Variants in KNTC1 observed in about 807,000 individuals in gnomAD.
KNTC1 encodes kinetochore-associated protein 1.
In KNTC1, 253 loss-of-function variants were observed where a neutral mutation model predicts 314.4. That is an observed-to-expected ratio of 0.80 (90% confidence interval 0.73 to 0.89). The LOEUF is 0.89. KNTC1 is among the 40% of genes least tolerant of loss of function. KNTC1 has a pLI of 0.00. For synonymous variants in KNTC1, 901 were observed against 901.4 expected (o/e 1.00, Z 0.01); for missense variants, 2,475 against 2,572.9 (o/e 0.96, Z 0.82).
At chr12:122,540,344 T>C (rs1962207524) in intron 5 of KNTC1, among the ~76,000 whole-genome samples, 1 of 150,938 alleles carries the variant, frequency 6.6e-6, no homozygotes, top group Non-Finnish European at 1.5e-5. Context: ...GGCTAATTTT[T>C]TGTTTTTAGT....
chr12:122,617,149 A>C (rs982594112), intron 57 of KNTC1, among the ~76,000 whole-genome samples: 1 of 152,204 alleles, frequency 6.6e-6, no homozygotes, highest in Non-Finnish European at 1.5e-5. Flanking sequence ...ATTTTTGGTC[A>C]TTATAAATAA....
intron 51 of KNTC1, among the ~76,000 whole-genome samples, chr12:122,608,959 T>C (rs963100084): frequency 6.6e-6 from 1 of 152,216 alleles, no homozygotes; most frequent in South Asian, 2.1e-4. Context: ...CTTAGGAGGC[T>C]GAGGCAAGAG....
chr12:122,595,331 C>T lies in KNTC1; in HGVS notation c.4355+946C>T, dbSNP rs1343549229. On this transcript the variant is annotated intron_variant, in intron 43 of 63. Coordinates refer to ENST00000333479, the MANE Select transcript of KNTC1 (RefSeq NM_014708.6). ...TTCAGAATGCTTTCAGATCTGTCAC[C>T]TCATTTAATTTTTATAGTTCTTATT... is the stretch of plus-strand genomic sequence containing the variant. 9.9e-5 allele frequency among the ~76,000 whole-genome samples: 15 copies of T among 152,182 alleles called. 1 individual carries two copies. The highest frequency in any genetic ancestry group is 9.2e-4 in the Admixed American group (14 of 15,260).
Position 122,601,551 on chromosome 12 carries a change from T to C in KNTC1, c.4579T>C (p.Tyr1527His). ...GILHKLDPYD[Y>H]EMIEVVLKVI... ...TTTTATACAGTTGGATCCTTATGAC[T>C]ATGAAATGATTGAAGTTGTCTTGAA... The change falls in exon 45 of 64, where the codon TAT (tyrosine) becomes CAT (histidine). Residue 1527 changes from tyrosine to histidine, a missense_variant. Coordinates refer to ENST00000333479, the MANE Select transcript of KNTC1 (RefSeq NM_014708.6). 3 of 1,534,702 alleles carry C rather than the reference T, an allele frequency of 2.0e-6. No homozygotes were observed. Among genetic ancestry groups the C allele is most frequent in the Non-Finnish European group, 2.6e-6 (3 of 1,141,684 alleles).
At position 122,574,389 on chromosome 12, in the gene KNTC1, A is replaced by G. The variant is rs1402392864; in HGVS notation, c.2382+9A>G. The G allele has an allele frequency of 2.7e-6, 4 of 1,493,942 alleles. No individual in the cohort carries two copies. The highest frequency in any genetic ancestry group is 3.7e-6 in the Non-Finnish European group (4 of 1,085,528). 92.5% of individuals were successfully genotyped at this position (1,493,942 alleles called of 1,614,324 possible). The stretch of plus-strand genomic sequence containing the variant: ...GTTTATCTGACACGGACGTAAGTAA[A>G]TAGTGACCATTTGCGTTTCCCTTTT... On this transcript the variant is annotated intron_variant, in intron 27 of 63. Coordinates refer to ENST00000333479, the MANE Select transcript of KNTC1 (RefSeq NM_014708.6).
At position 122,597,684 on chromosome 12, in the gene KNTC1, A is replaced by G. The variant is rs772333150; in HGVS notation, c.4356-47A>G. 5.1e-5 allele frequency: 77 copies of G among 1,495,498 alleles called. No individual in the cohort carries two copies. The Middle Eastern group carries it at 9.8e-4, about 19-fold the overall frequency. 92.6% of individuals were successfully genotyped at this position (1,495,498 alleles called of 1,614,324 possible). On this transcript the variant is annotated intron_variant, in intron 43 of 63. Coordinates refer to ENST00000333479, the MANE Select transcript of KNTC1 (RefSeq NM_014708.6). ...TGTTTTGTCAGATACTTTGCATGGA[A>G]ATGCCTGCAGTTTGGGAGACTGGTG...
In KNTC1 at chr12:122,543,613, A is replaced by G. The variant is rs1962519628; in HGVS notation, c.537A>G (p.Val179=). ...LLKIQQAIEN[V]DFSTAKKLQG... ...TTTTTAATGCAGCAATTGAGAATGTAGACTTCAGTACAGCAAAAAAGGTAA... is the reference window on the plus strand; with the variant it reads ...TTTTTAATGCAGCAATTGAGAATGTGGACTTCAGTACAGCAAAAAAGGTAA... Residue 179 remains valine (V), a synonymous_variant, in exon 7 of 64, where the codon GTA becomes GTG. Coordinates refer to ENST00000333479, the MANE Select transcript of KNTC1 (RefSeq NM_014708.6). The G allele has an allele frequency of 6.4e-7, 1 of 1,563,568 alleles. No homozygotes were observed. The highest frequency in any genetic ancestry group is 8.7e-7 in the Non-Finnish European group (1 of 1,151,714).
rs1384455918 is a variant in KNTC1, at chr12:122,622,498, A to T, written c.6406A>T (p.Lys2136Ter). The change falls in exon 62 of 64, where the codon AAG (lysine) becomes TAG (stop). Residue 2136 changes from lysine (K) to a stop codon, truncating the protein, a stop_gained. Coordinates refer to ENST00000333479, the MANE Select transcript of KNTC1 (RefSeq NM_014708.6). LOFTEE classifies it high-confidence loss of function. ...SLILNNIINK[K>*]EFGILAKTKY... ...GATTTTGAATAATATCATCAATAAGAAGGAGTTTGGGATTTTGGCAAAGAC... is the reference window on the plus strand; with the variant it reads ...GATTTTGAATAATATCATCAATAAGTAGGAGTTTGGGATTTTGGCAAAGAC... 6.3e-7 allele frequency: 1 copy of T among 1,583,114 alleles called. No homozygotes were observed. Among genetic ancestry groups the T allele is most frequent in the South Asian group, 1.2e-5 (1 of 86,726 alleles).
chr12:122,568,472 A>T, intron 21 of KNTC1, 100 bp downstream of exon 21: 1 of 759,490 alleles, frequency 1.3e-6, no homozygotes, highest in East Asian at 2.5e-5. Flanking sequence ...TGACTGGGTG[A>T]TGGGATGTTT....
intron 62 of KNTC1, among the ~76,000 whole-genome samples, chr12:122,623,717 C>T (rs145633348): frequency 2.0e-5 from 3 of 152,208 alleles, no homozygotes; most frequent in Non-Finnish European, 4.4e-5. Context: ...TACCCAAATT[C>T]ATCAGAGTCG....
At chr12:122,625,810 TGG>T (rs1457690634) in intron 63 of KNTC1, among the ~76,000 whole-genome samples, 5 of 152,200 alleles carry the variant, frequency 3.3e-5, no homozygotes, top group African/African-American at 9.6e-5. Flanking sequence ...GATCATATTT[TGG>T]TAGCTTTATT....
Position 122,618,382 on chromosome 12 carries a change from A to T in KNTC1, c.6070A>T (p.Ile2024Leu). ...CAAAGCGTGGCAGCGTGTGATACAG[A>T]TACCACTGCTTTCAGGTATTTCGCT... Reference protein sequence around the residue: ...FSKAWQRVIQIPLLSASCPLS... With the variant: ...FSKAWQRVIQLPLLSASCPLS... The change falls in exon 58 of 64, where the codon ATA becomes TTA. Residue 2024 changes from isoleucine (I) to leucine (L), a missense_variant. Transcript: ENST00000333479. 1 of 1,613,786 alleles carries T rather than the reference A, an allele frequency of 6.2e-7. No individual in the cohort carries two copies. Among genetic ancestry groups the T allele is most frequent in the Middle Eastern group, 1.6e-4 (1 of 6,062 alleles).
chr12:122,614,498 C>CT (rs543912556), intron 55 of KNTC1, among the ~76,000 whole-genome samples: 47 of 152,226 alleles, frequency 3.1e-4, no homozygotes, highest in African/African-American at 1.1e-3. Context: ...GAGGTGGTGT[C>CT]TGAGTCCATG....
At chr12:122,535,536 G>A (rs1438183566) in intron 3 of KNTC1, among the ~76,000 whole-genome samples, 2 of 152,014 alleles carry the variant, frequency 1.3e-5, no homozygotes, top group African/African-American at 2.4e-5. Flanking sequence ...CCAGCTACTC[G>A]GGAGGCTGAG....
rs143530939 is a variant in KNTC1, at chr12:122,574,438, C to G, written c.2382+58C>G. The stretch of plus-strand genomic sequence containing the variant: ...TTGAGCATTAAATCTTTTCTGAAAG[C>G]TTTTTTCTGTTCATAAAAGCGACAT... On this transcript the variant is annotated intron_variant, in intron 27 of 63. Transcript: ENST00000333479. The G allele has an allele frequency of 1.8e-3, 1,946 of 1,052,738 alleles. 32 individuals carry two copies. In the African/African-American group the frequency reaches 0.028, roughly 15 times the overall value. 65.2% of individuals were successfully genotyped at this position (1,052,738 alleles called of 1,614,324 possible). A position where few individuals can be genotyped will look rare whatever the true frequency, so the allele number is the denominator to read the frequency against.
At chr12:122,596,627 G>T (rs1210668259) in intron 43 of KNTC1, among the ~76,000 whole-genome samples, 1 of 152,036 alleles carries the variant, frequency 6.6e-6, no homozygotes, top group Non-Finnish European at 1.5e-5. Flanking sequence ...GATCGCTTGA[G>T]GCCAGGAGTT....
chr12:122,580,113 G>A (rs1449606194), intron 32 of KNTC1, 136 bp downstream of exon 32: 5 of 622,928 alleles, frequency 8.0e-6, no homozygotes, highest in Non-Finnish European at 1.4e-5. Flanking sequence ...TACCCATTTT[G>A]CTTCATGAAA....
chr12:122,590,743 C>A lies in KNTC1; in HGVS notation c.4128+8C>A. 2 of 1,608,864 alleles carry A rather than the reference C, an allele frequency of 1.2e-6. No individual in the cohort carries two copies. The highest frequency in any genetic ancestry group is 2.2e-5 in the East Asian group (1 of 44,722). On this transcript the variant is annotated splice_region_variant and intron_variant, in intron 41 of 63. Transcript: ENST00000333479. ...AATTACGACAAAATCTTGGTATGTC[C>A]TAAGGAAGCACACCTTCAATTCTTG...
At chr12:122,622,660 CT>C in intron 62 of KNTC1, 53 bp downstream of exon 62, 1 of 1,411,796 alleles carries the variant, frequency 7.1e-7, no homozygotes, top group Non-Finnish European at 9.5e-7. Context: ...TAAAATCTAT[CT>C]TTATAAGCTG....
Sources: gnomAD v4.1 joint callset for allele counts (sites outside exome capture counted in the v4.1 genomes callset) on GRCh38, gnomAD v4.1.1 for gene constraint, MANE v1.5 for transcripts, NCBI Gene and HGNC (gene_info 2026-07-23, HGNC 2026-07-21) for gene names.